Variants in DNM1 observed in about 807,000 individuals in gnomAD.
The protein encoded by DNM1 is dynamin-1.
In DNM1, 29 loss-of-function variants were observed where a neutral mutation model predicts 104.6. The ratio of observed to expected loss-of-function variants is 0.28; its 90% CI spans 0.21 to 0.38. DNM1 has a LOEUF of 0.38. Among genes scored for constraint, DNM1 ranks in the 10% least tolerant of loss-of-function variants. DNM1 has a pLI of 1.00. For synonymous variants in DNM1, 445 were observed against 475.8 expected (o/e 0.94, Z 0.84); for missense variants, 640 against 1,189.4 (o/e 0.54, Z 6.79).
In DNM1 at chr9:128,231,341, A is replaced by T. The variant is rs539866432; in HGVS notation, c.1336-2680A>T. 1.2e-3 allele frequency among the ~76,000 whole-genome samples: 177 copies of T among 151,746 alleles called. 1 individual carries two copies. The highest frequency in any genetic ancestry group is 4.1e-3 in the African/African-American group (169 of 41,394). On this transcript the variant is annotated intron_variant, in intron 10 of 21. Transcript: ENST00000372923. ...CCTCAGCCTCCGAGTAGCTGGGATTACAGGCATGTGCCACCACGCCCGGCT... is the reference window on the plus strand; with the variant it reads ...CCTCAGCCTCCGAGTAGCTGGGATTTCAGGCATGTGCCACCACGCCCGGCT...
At position 128,254,788 on chromosome 9, in the gene DNM1, C is replaced by T. The variant is rs1829754375; in HGVS notation, c.*74C>T. On this transcript the variant is annotated 3_prime_UTR_variant, in exon 22 of 22. Coordinates refer to ENST00000372923, the MANE Select transcript of DNM1 (RefSeq NM_004408.4). This position sits in a 1 kb window ranked among gnomAD's most constrained non-coding sequence, Gnocchi z 6.1. The stretch of plus-strand genomic sequence containing the variant: ...CGGCTGTTCTGTGACTTGACAGTGG[C>T]TCCCCCAGCCCCAAAGCCAGCCCCC... 1.6e-6 allele frequency: 2 copies of T among 1,277,220 alleles called. No homozygotes were observed. The highest frequency in any genetic ancestry group is 1.1e-6 in the Non-Finnish European group (1 of 894,548). 79.1% of individuals were successfully genotyped at this position (1,277,220 alleles called of 1,614,324 possible). A position where few individuals can be genotyped will look rare whatever the true frequency, so the allele number is the denominator to read the frequency against.
chr9:128,250,202 G>T lies in DNM1; in HGVS notation c.2164G>T (p.Ala722Ser), dbSNP rs562370038. The change falls in exon 20 of 22, where the codon GCA becomes TCA. Residue 722 changes from alanine to serine, a missense_variant. By Grantham distance (99) the Ala-to-Ser change is moderately conservative. Coordinates refer to ENST00000372923, the MANE Select transcript of DNM1 (RefSeq NM_004408.4). ...NTLMEESAEQ[A>S]QRRDEMLRMY... Reference sequence around the variant, plus strand: ...GCTGATGGAGGAGTCGGCGGAGCAGGCACAGCGGCGCGACGAGATGCTGCG... The same window carrying T: ...GCTGATGGAGGAGTCGGCGGAGCAGTCACAGCGGCGCGACGAGATGCTGCG... 5 of 1,614,048 alleles carry T rather than the reference G, an allele frequency of 3.1e-6. No individual in the cohort carries two copies. Among genetic ancestry groups the T allele is most frequent in the Non-Finnish European group, 4.2e-6 (5 of 1,180,040 alleles).
chr9:128,206,049 A>G (rs1833943560), intron 1 of DNM1, among the ~76,000 whole-genome samples: 1 of 152,202 alleles, frequency 6.6e-6, no homozygotes, highest in African/African-American at 2.4e-5. Context: ...TGAGAAGGCC[A>G]GGGAAACTGA....
rs1836757272 is a variant in DNM1 at position 128,245,712 on chromosome 9, C to A, written c.1672-682C>A. Among the ~76,000 whole-genome samples, 2 of 152,226 alleles carry A rather than the reference C, an allele frequency of 1.3e-5. No homozygotes were observed. The highest frequency in any genetic ancestry group is 4.1e-4 in the South Asian group (2 of 4,836). ...CAAACATGTAGGCTCGCACAATTGC[C>A]ACACACATCCACAAAGTGTGCACAC... On this transcript the variant is annotated intron_variant, in intron 15 of 21. Transcript: ENST00000372923. This position sits in a 1 kb window ranked among gnomAD's most constrained non-coding sequence, Gnocchi z 5.2.
At position 128,250,712 on chromosome 9, in the gene DNM1, C is replaced by T. The variant is rs1252455956; in HGVS notation, c.2319-13C>T. Reference sequence around the variant, plus strand: ...CTCGCCTCTCCTTGTTCCTCGCTCCCTGTCGCCCTCAGGTCGCCCACGTCC... The same window carrying T: ...CTCGCCTCTCCTTGTTCCTCGCTCCTTGTCGCCCTCAGGTCGCCCACGTCC... On this transcript the variant is annotated splice_polypyrimidine_tract_variant and intron_variant, in intron 20 of 21. Coordinates refer to ENST00000372923, the MANE Select transcript of DNM1 (RefSeq NM_004408.4). The T allele has an allele frequency of 6.8e-7, 1 of 1,461,198 alleles. No individual in the cohort carries two copies. Among genetic ancestry groups the T allele is most frequent in the Non-Finnish European group, 9.0e-7 (1 of 1,112,924 alleles). 90.5% of individuals were successfully genotyped at this position (1,461,198 alleles called of 1,614,324 possible).
intron 10 of DNM1, among the ~76,000 whole-genome samples, chr9:128,232,917 T>TGGCCCTGCCCC (rs1361432597): frequency 1.3e-5 from 2 of 152,252 alleles, no homozygotes; most frequent in African/African-American, 4.8e-5. Flanking sequence ...GCCATGGGCC[T>TGGCCCTGCCCC]GGCCCTGCCC....
rs1439741500 is a variant in DNM1, at chr9:128,224,502, G to A, written c.1335+113G>A. The A allele has an allele frequency of 3.8e-6, 4 of 1,064,098 alleles. No homozygotes were observed. Among genetic ancestry groups the A allele is most frequent in the Non-Finnish European group, 5.3e-6 (4 of 760,374 alleles). 65.9% of individuals were successfully genotyped at this position (1,064,098 alleles called of 1,614,324 possible). On this transcript the variant is annotated intron_variant, in intron 10 of 21. Transcript: ENST00000372923. This position sits in a 1 kb window ranked among gnomAD's most constrained non-coding sequence, Gnocchi z 4.3. The stretch of plus-strand genomic sequence containing the variant: ...TCCTCGGTAGCATGTACAGACCTCA[G>A]CGGGGTGGGGAGGCAGGCCACCACT...
At chr9:128,232,420 C>T (rs1835752588) in intron 10 of DNM1, among the ~76,000 whole-genome samples, 1 of 152,306 alleles carries the variant, frequency 6.6e-6, no homozygotes, top group South Asian at 2.1e-4. Flanking sequence ...ACATCATCCA[C>T]GCCCTTGGCA....
chr9:128,251,276 C>A, intron 21 of DNM1: 1 of 492,224 alleles, frequency 2.0e-6, no homozygotes. Flanking sequence ...CTTTCTTCTT[C>A]TTGCTGTCCT....
chr9:128,229,601 A>AAAT (rs1835549690), intron 10 of DNM1, among the ~76,000 whole-genome samples: 1 of 14,480 alleles, frequency 6.9e-5, no homozygotes, highest in African/African-American at 2.0e-4. Context: ...AAACCTTATC[A>AAAT]AAAAAAAAAA....
At position 128,239,526 on chromosome 9, in the gene DNM1, C is replaced by G. The variant is rs1474378352; in HGVS notation, c.1493+11C>G. On this transcript the variant is annotated intron_variant, in intron 12 of 21. Transcript: ENST00000372923. ...CATAGGCTTTGCCAAGTGAGTGCTC[C>G]CCCAGGCAAAAAGTGAGTGCTCCCT... is the stretch of plus-strand genomic sequence containing the variant. 7 of 1,610,984 alleles carry G rather than the reference C, an allele frequency of 4.3e-6. No individual in the cohort carries two copies. Among genetic ancestry groups the G allele is most frequent in the Middle Eastern group, 1.7e-4 (1 of 6,056 alleles).
chr9:128,246,018 C>A (rs1187262298), intron 15 of DNM1, among the ~76,000 whole-genome samples: 1 of 152,228 alleles, frequency 6.6e-6, no homozygotes, highest in East Asian at 1.9e-4. Context: ...CTGGTCTCTG[C>A]AGTCAGGAAA....
Position 128,245,123 on chromosome 9 carries a change from C to T in DNM1, c.1672-1271C>T, listed in dbSNP as rs950386052. ...CCCCGAAGCACAGGGCGGGTGGTGG[C>T]GGGGCCTCTCTCGAACGGTTCCAGA... On this transcript the variant is annotated intron_variant, in intron 15 of 21. Coordinates refer to ENST00000372923, the MANE Select transcript of DNM1 (RefSeq NM_004408.4). This position sits in a 1 kb window ranked among gnomAD's most constrained non-coding sequence, Gnocchi z 5.2. 9.3e-6 allele frequency: 2 copies of T among 215,442 alleles called. No homozygotes were observed. The highest frequency in any genetic ancestry group is 1.2e-4 in the East Asian group (1 of 8,486). 13.3% of individuals were successfully genotyped at this position (215,442 alleles called of 1,614,324 possible).
At chr9:128,250,059 G>A in intron 19 of DNM1, 56 bp from the exon 20 acceptor site, 1 of 1,612,596 alleles carries the variant, frequency 6.2e-7, no homozygotes. Flanking sequence ...CGGTGGGGCG[G>A]CCAGGGCGGC....
intron 10 of DNM1, among the ~76,000 whole-genome samples, chr9:128,230,734 G>C (rs575928350): frequency 6.6e-6 from 1 of 152,116 alleles, no homozygotes; most frequent in East Asian, 1.9e-4. Flanking sequence ...TTACAAGCAT[G>C]AGCCACCGTG....
Position 128,222,401 on chromosome 9 carries a change from C to G in DNM1, c.993-60C>G. On this transcript the variant is annotated intron_variant, in intron 7 of 21. Transcript: ENST00000372923. This position sits in a 1 kb window ranked among gnomAD's most constrained non-coding sequence, Gnocchi z 7.8. Reference sequence around the variant, plus strand: ...CCCCAGCCTCTCAGCGTGGGGCTCTCCCAGGGTTCCCTTTGCTGGGCTGCT... The same window carrying G: ...CCCCAGCCTCTCAGCGTGGGGCTCTGCCAGGGTTCCCTTTGCTGGGCTGCT... 1.2e-6 allele frequency: 2 copies of G among 1,609,930 alleles called. No homozygotes were observed. Among genetic ancestry groups the G allele is most frequent in the Non-Finnish European group, 1.7e-6 (2 of 1,176,912 alleles).
At position 128,240,101 on chromosome 9, in the gene DNM1, G is replaced by A. The variant is rs1836272599; in HGVS notation, c.1557+105G>A. 1 of 1,331,028 alleles carries A rather than the reference G, an allele frequency of 7.5e-7. No homozygotes were observed. The highest frequency in any genetic ancestry group is 1.1e-6 in the Non-Finnish European group (1 of 925,350). The allele number at this position is 1,331,028 out of a possible 1,614,324, so 82.5% of individuals were successfully genotyped here. ...AGGAGGGCACCCTTTGGCTGAAGCTGCTTGTACACACCAGCCCCTGGCATT... is the reference window on the plus strand; with the variant it reads ...AGGAGGGCACCCTTTGGCTGAAGCTACTTGTACACACCAGCCCCTGGCATT... On this transcript the variant is annotated intron_variant, in intron 14 of 21. Transcript: ENST00000372923. This position sits in a 1 kb window ranked among gnomAD's most constrained non-coding sequence, Gnocchi z 5.1.
intron 15 of DNM1, among the ~76,000 whole-genome samples, chr9:128,242,996 G>A (rs879345476): frequency 1.3e-5 from 2 of 152,144 alleles, no homozygotes; most frequent in Admixed American, 6.5e-5. Flanking sequence ...CGCCTCCTCT[G>A]TGGCCCCCAC....
intron 10 of DNM1, among the ~76,000 whole-genome samples, chr9:128,227,409 T>C (rs1200203632): frequency 1.5e-5 from 2 of 136,760 alleles, no homozygotes; most frequent in Non-Finnish European, 3.1e-5. Context: ...TTTGAGACAG[T>C]CTCACTCTGT....
Sources: allele counts gnomAD v4.1 joint callset (sites outside exome capture counted in the v4.1 genomes callset), GRCh38; gene constraint gnomAD v4.1.1; non-coding constraint Gnocchi (gnomAD v3.1); transcripts MANE v1.5; gene names NCBI Gene and HGNC (gene_info 2026-07-23, HGNC 2026-07-21).